PPL: variants seen among roughly 807,000 people sequenced by gnomAD.
PPL encodes the protein 190 kDa paraneoplastic pemphigus antigen.
PPL carries 198 observed loss-of-function variants against 194.4 expected under a neutral mutation model. The observed-to-expected ratio is 1.02, with a 90% CI of 0.91 to 1.15. PPL has a LOEUF of 1.15. Among genes scored for constraint, PPL ranks in the 50% most tolerant of loss-of-function variants. The pLI, the probability that PPL is intolerant of heterozygous loss-of-function variation, is 0.00. For synonymous variants in PPL, 1,220 were observed against 972.4 expected, an observed-to-expected ratio of 1.25 and a Z score of -4.74; for missense variants, 2,885 against 2,294.8, an observed-to-expected ratio of 1.26 and a Z score of -5.25.
At chr16:4,929,755 C>G (rs2089204253) in intron 1 of PPL, among the ~76,000 whole-genome samples, 1 of 152,068 alleles carries the variant, frequency 6.6e-6, no homozygotes, top group Non-Finnish European at 1.5e-5. Flanking sequence ...GGCACAATCA[C>G]AGCTCACTGC....
chr16:4,912,115 A>T (rs981950070), intron 1 of PPL, among the ~76,000 whole-genome samples: 44 of 152,218 alleles, frequency 2.9e-4, no homozygotes, highest in Admixed American at 2.9e-3. Flanking sequence ...GGCTTTTAGT[A>T]CTACACATTC....
chr16:4,889,412 A>AC (rs2088280482), intron 18 of PPL, among the ~76,000 whole-genome samples: 1 of 146,300 alleles, frequency 6.8e-6, no homozygotes, highest in African/African-American at 2.5e-5. Context: ...CTGCCACCAT[A>AC]CCCAGCTAAT....
Position 4,885,252 on chromosome 16 carries a change from G to T in PPL, c.3403C>A (p.Arg1135Ser). ...TTGGCAGCCTCGTCCTCATATTGGCGGGTGAGATCGCTGACCTCCCTCTCG... is the reference window on the plus strand; with the variant it reads ...TTGGCAGCCTCGTCCTCATATTGGCTGGTGAGATCGCTGACCTCCCTCTCG... ...ATEREVSDLT[R>S]QYEDEAAKAR... The change falls in exon 22 of 22, where the codon CGC (arginine) becomes AGC (serine). Residue 1135 changes from arginine to serine, a missense_variant. Coordinates refer to ENST00000345988, the MANE Select transcript of PPL (RefSeq NM_002705.5). This position sits in a 1 kb window ranked among gnomAD's most constrained non-coding sequence, Gnocchi z 6.3. 6.2e-7 allele frequency: 1 copy of T among 1,612,902 alleles called. No homozygotes were observed. Among genetic ancestry groups the T allele is most frequent in the Non-Finnish European group, 8.5e-7 (1 of 1,179,986 alleles).
In PPL at chr16:4,885,288, C is replaced by A. The variant is rs562847495; in HGVS notation, c.3367G>T (p.Asp1123Tyr). 3 of 1,597,908 alleles carry A rather than the reference C, an allele frequency of 1.9e-6. No homozygotes were observed. In the Admixed American group the frequency reaches 5.1e-5, roughly 27 times the overall value. ...TVKEVLKVEK[D>Y]AATEREVSDL... ...CTGACCTCCCTCTCGGTGGCCGCGT[C>A]CTTCTCCACCTTGAGCACCTCCTTG... is the stretch of plus-strand genomic sequence containing the variant. The change falls in exon 22 of 22, where the codon GAC becomes TAC. Residue 1123 changes from aspartate to tyrosine, a missense_variant. Coordinates refer to ENST00000345988, the MANE Select transcript of PPL (RefSeq NM_002705.5). The surrounding 1 kb of genome is among the most constrained non-coding windows in gnomAD (Gnocchi z 6.3).
intron 18 of PPL, among the ~76,000 whole-genome samples, 182 bp from the exon 19 acceptor site, chr16:4,889,243 T>TTTG (rs1567992815): frequency 3.9e-4 from 8 of 20,500 alleles, no homozygotes; most frequent in Admixed American, 6.1e-4. Context: ...TTGTTGTTGT[T>TTTG]TTTTTTTTTT....
At chr16:4,930,028 G>A (rs1486046210) in intron 1 of PPL, among the ~76,000 whole-genome samples, 1 of 152,136 alleles carries the variant, frequency 6.6e-6, no homozygotes, top group African/African-American at 2.4e-5. Flanking sequence ...TTCAGGAAGA[G>A]TAAGTGGAAT....
intron 1 of PPL, among the ~76,000 whole-genome samples, chr16:4,912,592 G>T (rs2088839712): frequency 6.6e-6 from 1 of 152,222 alleles, no homozygotes; most frequent in Admixed American, 6.5e-5. Context: ...TTTTATTTTA[G>T]AGTTAAATGT....
chr16:4,930,671 G>A (rs1217957997), intron 1 of PPL, among the ~76,000 whole-genome samples: 3 of 152,174 alleles, frequency 2.0e-5, no homozygotes, highest in African/African-American at 7.2e-5. Flanking sequence ...CCATAGAATA[G>A]GTGGATCTAC....
At position 4,893,367 on chromosome 16, in the gene PPL, G is replaced by A. The variant is rs748822574; in HGVS notation, c.1496C>T (p.Ala499Val). Residue 499 changes from alanine (A) to valine (V), a missense_variant, in exon 14 of 22, where the codon GCC (alanine) becomes GTC (valine). By Grantham distance (64) the Ala-to-Val change is moderately conservative. Transcript: ENST00000345988. ...CAGCTGCCGCCCCTGTAGGTCAGAG[G>A]CATCTGTGGAGGGAGGGAGGACACA... ...EVLKTENPGD[A>V]SDLQGRQLLA... 6.8e-6 allele frequency: 11 copies of A among 1,606,414 alleles called. No homozygotes were observed. The highest frequency in any genetic ancestry group is 9.3e-6 in the Non-Finnish European group (11 of 1,179,680).
chr16:4,883,978 G>C lies in PPL; in HGVS notation c.4677C>G (p.Asp1559Glu), dbSNP rs760909393. Residue 1559 changes from aspartate to glutamate, a missense_variant, in exon 22 of 22, where the codon GAC becomes GAG. Transcript: ENST00000345988. This position sits in a 1 kb window ranked among gnomAD's most constrained non-coding sequence, Gnocchi z 4.8. ...ATTTGTGGTTCTCTTCCCTCAGAAAGTCTAGTTCCTTGGATGACTTGGAGT... is the reference window on the plus strand; with the variant it reads ...ATTTGTGGTTCTCTTCCCTCAGAAACTCTAGTTCCTTGGATGACTTGGAGT... ...FHNSKSSKELDFLREENHKLQ... is the reference protein window; with the variant it reads ...FHNSKSSKELEFLREENHKLQ... 4.3e-6 allele frequency: 7 copies of C among 1,614,112 alleles called. No individual in the cohort carries two copies. In the East Asian group the frequency reaches 1.6e-4, roughly 36 times the overall value.
intron 1 of PPL, among the ~76,000 whole-genome samples, chr16:4,918,643 T>G (rs890946570): frequency 6.6e-6 from 1 of 152,198 alleles, no homozygotes; most frequent in African/African-American, 2.4e-5. Context: ...ATTCCATCAT[T>G]TGGCCACAGT....
intron 1 of PPL, among the ~76,000 whole-genome samples, chr16:4,916,957 C>T (rs1401794707): frequency 1.3e-5 from 2 of 151,976 alleles, no homozygotes; most frequent in Non-Finnish European, 2.9e-5. Context: ...TGGTGAAACC[C>T]CATCTCTACT....
chr16:4,886,190 G>A lies in PPL; in HGVS notation c.2608-143C>T, dbSNP rs576504570. On this transcript the variant is annotated intron_variant, in intron 21 of 21. Transcript: ENST00000345988. ...TTCATGTTAGTTGTAGAGTTCTAGG[G>A]TTACTTTCAAAAAGGATCAAACAAC... 74 of 1,047,098 alleles carry A rather than the reference G, an allele frequency of 7.1e-5. No homozygotes were observed. The African/African-American group carries it at 1.1e-3, about 15-fold the overall frequency. 64.9% of individuals were successfully genotyped at this position (1,047,098 alleles called of 1,614,324 possible). A position where few individuals can be genotyped will look rare whatever the true frequency, so the allele number is the denominator to read the frequency against.
chr16:4,892,559 G>A (rs1376753954), intron 14 of PPL, among the ~76,000 whole-genome samples: 1 of 152,224 alleles, frequency 6.6e-6, no homozygotes, highest in Non-Finnish European at 1.5e-5. Flanking sequence ...ACGGGTGGGG[G>A]TGTGACGACT....
Position 4,899,362 on chromosome 16 carries a change from T to G in PPL, c.629A>C (p.Gln210Pro). Reference sequence around the variant, plus strand: ...GTAGTCCTGCAGCGAACTCAGGTGCTGCTGCCGGGCCTGTGATGCTGCCTG... The same window carrying G: ...GTAGTCCTGCAGCGAACTCAGGTGCGGCTGCCGGGCCTGTGATGCTGCCTG... Reference protein sequence around the residue: ...KLLAASQARQQHLSSLQDYMQ... With the variant: ...KLLAASQARQPHLSSLQDYMQ... The change falls in exon 7 of 22, where the codon CAG becomes CCG. Residue 210 changes from glutamine (Q) to proline (P), a missense_variant. Coordinates refer to ENST00000345988, the MANE Select transcript of PPL (RefSeq NM_002705.5). 6.2e-7 allele frequency: 1 copy of G among 1,609,516 alleles called. No individual in the cohort carries two copies. Among genetic ancestry groups the G allele is most frequent in the South Asian group, 1.1e-5 (1 of 91,004 alleles).
intron 2 of PPL, among the ~76,000 whole-genome samples, chr16:4,910,194 A>C (rs904738640): frequency 2.0e-5 from 3 of 152,194 alleles, no homozygotes; most frequent in Non-Finnish European, 4.4e-5. Context: ...AGGCACAGAT[A>C]GGGGAAAGTG....
At position 4,904,971 on chromosome 16, in the gene PPL, C is replaced by G. The variant is rs987367451; in HGVS notation, c.163-931G>C. 5.9e-5 allele frequency among the ~76,000 whole-genome samples: 9 copies of G among 152,128 alleles called. 1 individual carries two copies. Among genetic ancestry groups the G allele is most frequent in the African/African-American group, 2.2e-4 (9 of 41,410 alleles). ...GAAGAGCAATGAATGGCAGCCGGGA[C>G]AGTAGGTTTCTAATCACAGCGGGTT... is the stretch of plus-strand genomic sequence containing the variant. On this transcript the variant is annotated intron_variant, in intron 2 of 21. Coordinates refer to ENST00000345988, the MANE Select transcript of PPL (RefSeq NM_002705.5).
intron 1 of PPL, among the ~76,000 whole-genome samples, chr16:4,912,152 T>G (rs1476741612): frequency 6.6e-6 from 1 of 152,162 alleles, no homozygotes; most frequent in African/African-American, 2.4e-5. Context: ...CACCACTATC[T>G]CATTCCAGAC....
chr16:4,930,983 C>T (rs776005855), intron 1 of PPL, among the ~76,000 whole-genome samples: 3 of 152,138 alleles, frequency 2.0e-5, no homozygotes, highest in Non-Finnish European at 4.4e-5. Flanking sequence ...GGGACTGGAG[C>T]GCTGGAGTGG....
Sources: allele counts gnomAD v4.1 joint callset (sites outside exome capture counted in the v4.1 genomes callset), GRCh38; gene constraint gnomAD v4.1.1; non-coding constraint Gnocchi (gnomAD v3.1); transcripts MANE v1.5; gene names NCBI Gene and HGNC (gene_info 2026-07-23, HGNC 2026-07-21).